Variants in HIGD2B observed in about 807,000 individuals in gnomAD.
HIGD2B encodes HIG1 domain family member 2B.
For synonymous variants in HIGD2B, 45 were observed against 28.1 expected (o/e 1.60, Z -1.90); for missense variants, 106 against 67.0 (o/e 1.58, Z -2.03).
Position 72,680,146 on chromosome 15 carries a change from T to C in HIGD2B, c.-145A>G, listed in dbSNP as rs961902115. ...GGTTTTCTGATCTTCTTCCCATTCTTACCCAGCTGGTGGAGTCTACAGCCT... is the reference window on the plus strand; with the variant it reads ...GGTTTTCTGATCTTCTTCCCATTCTCACCCAGCTGGTGGAGTCTACAGCCT... On this transcript the variant is annotated 5_prime_UTR_variant, in exon 2 of 3. Transcript: ENST00000311755. 1 of 209,328 alleles carries C rather than the reference T, an allele frequency of 4.8e-6. No individual in the cohort carries two copies. The highest frequency in any genetic ancestry group is 9.7e-6 in the Non-Finnish European group (1 of 103,200). The allele number at this position is 209,328 out of a possible 1,614,324, so 13.0% of individuals were successfully genotyped here.
Position 72,675,963 on chromosome 15 carries a change from C to T in HIGD2B, c.*91G>A. On this transcript the variant is annotated 3_prime_UTR_variant, in exon 3 of 3. Transcript: ENST00000311755. ...CTCCCCCAACGACACAGGGACCTCT[C>T]AAAGGAGAGGAGAGAGTAAGTCCCA... 1 of 623,820 alleles carries T rather than the reference C, an allele frequency of 1.6e-6. No individual in the cohort carries two copies. Among genetic ancestry groups the T allele is most frequent in the Non-Finnish European group, 2.9e-6 (1 of 345,978 alleles). The allele number at this position is 623,820 out of a possible 1,614,324, so 38.6% of individuals were successfully genotyped here. A position where few individuals can be genotyped will look rare whatever the true frequency, so the allele number is the denominator to read the frequency against.
intron 2 of HIGD2B, among the ~76,000 whole-genome samples, chr15:72,677,109 G>C (rs1413673366): frequency 2.6e-5 from 4 of 152,178 alleles, no homozygotes; most frequent in Non-Finnish European, 5.9e-5. Flanking sequence ...TATGACTGCA[G>C]GTGAATCTAC....
chr15:72,678,534 A>T (rs1002887842), intron 2 of HIGD2B, among the ~76,000 whole-genome samples: 1 of 151,968 alleles, frequency 6.6e-6, no homozygotes, highest in Non-Finnish European at 1.5e-5. Flanking sequence ...ACTCCTGGAC[A>T]CAAGTGATCC....
intron 1 of HIGD2B, among the ~76,000 whole-genome samples, chr15:72,684,850 C>G (rs906004902): frequency 6.6e-6 from 1 of 152,022 alleles, no homozygotes; most frequent in African/African-American, 2.4e-5. Context: ...GAAATGCGAT[C>G]TCGGCTCACT....
At position 72,680,095 on chromosome 15, in the gene HIGD2B, CA is replaced by C; in HGVS notation, c.-95del. 3.0e-6 allele frequency: 1 copy of C among 336,032 alleles called. No homozygotes were observed. Among genetic ancestry groups the C allele is most frequent in the Non-Finnish European group, 4.9e-6 (1 of 202,748 alleles). 20.8% of individuals were successfully genotyped at this position (336,032 alleles called of 1,614,324 possible). ...CATAGATTCCCTGCTTTTGCCTGGG[CA>C]AAATAGTCCATCAACCAAAGTTTAG... On this transcript the variant is annotated 5_prime_UTR_variant, in exon 2 of 3. It removes the in-frame stop codon of an upstream open reading frame in the 5' UTR. Coordinates refer to ENST00000311755, the MANE Select transcript of HIGD2B (RefSeq NM_001350932.3).
rs2064820386 is a variant in HIGD2B, at chr15:72,685,931, TGGCTG to T, written c.-311_-307del. The T allele has an allele frequency of 5.6e-6, 3 of 536,788 alleles. No homozygotes were observed. The highest frequency in any genetic ancestry group is 3.1e-5 in the Admixed American group (1 of 31,752). The allele number at this position is 536,788 out of a possible 1,614,324, so 33.3% of individuals were successfully genotyped here. ...GGGAGAACTAGGCTGCCATCCCAGGTGGCTGGCCTACCAGCCAGCGCGGCCGGAGG... is the reference window on the plus strand; with the variant it reads ...GGGAGAACTAGGCTGCCATCCCAGGTGCCTACCAGCCAGCGCGGCCGGAGG... On this transcript the variant is annotated 5_prime_UTR_variant, in exon 1 of 3. Transcript: ENST00000311755.
At chr15:72,685,618 C>T (rs748213241) in intron 1 of HIGD2B, among the ~76,000 whole-genome samples, 200 bp downstream of exon 1, 6 of 152,190 alleles carry the variant, frequency 3.9e-5, no homozygotes, top group Non-Finnish European at 8.8e-5. Context: ...TTGCAGAAAA[C>T]GCCGACTGTC....
intron 1 of HIGD2B, among the ~76,000 whole-genome samples, chr15:72,683,992 CT>C (rs2064776838): frequency 6.7e-6 from 1 of 149,840 alleles, no homozygotes; most frequent in Non-Finnish European, 1.5e-5. Flanking sequence ...TTTAATTAAT[CT>C]CTGAAAAGTG....
chr15:72,676,185 G>A lies in HIGD2B; in HGVS notation c.190C>T (p.Leu64Phe), dbSNP rs550544743. The change falls in exon 3 of 3, where the codon CTC (leucine) becomes TTC (phenylalanine). Residue 64 changes from leucine to phenylalanine, a missense_variant. Leu to Phe is a conservative substitution (Grantham distance 22). Transcript: ENST00000311755. ...CTGTTGCCCTGGTGGAAGCAGTAGA[G>A]GCCGTTGGTGAGGACGGCCGCCGTG... The part of the protein sequence containing the change: ...LCTAAVLTNG[L>F]YCFHQGNSQC... 1.3e-6 allele frequency: 1 copy of A among 763,464 alleles called. No individual in the cohort carries two copies. Among genetic ancestry groups the A allele is most frequent in the Non-Finnish European group, 2.4e-6 (1 of 416,284 alleles). 47.3% of individuals were successfully genotyped at this position (763,464 alleles called of 1,614,324 possible).
rs1231141461 is a variant in HIGD2B at position 72,680,197 on chromosome 15, G to A, written c.-192-4C>T. 6.2e-6 allele frequency: 1 copy of A among 160,758 alleles called. No homozygotes were observed. Among genetic ancestry groups the A allele is most frequent in the African/African-American group, 2.4e-5 (1 of 41,616 alleles). The allele number at this position is 160,758 out of a possible 1,614,324, so 10.0% of individuals were successfully genotyped here. A position where few individuals can be genotyped will look rare whatever the true frequency, so the allele number is the denominator to read the frequency against. On this transcript the variant is annotated splice_polypyrimidine_tract_variant and splice_region_variant and intron_variant, in intron 1 of 2. Transcript: ENST00000311755. ...ATTTCAGGTTTGACCTCAGTAGCTAGAGGAAAAGTGGTTAAACAAAATAAA... is the reference window on the plus strand; with the variant it reads ...ATTTCAGGTTTGACCTCAGTAGCTAAAGGAAAAGTGGTTAAACAAAATAAA...
rs767417215 is a variant in HIGD2B at position 72,686,161 on chromosome 15, A to C, written c.-536T>G. ...CCTCACAGTCCTCCACAGCCCTACG[A>C]CTTCCGCTTGCCTCGTCGTCTGGGA... On this transcript the variant is annotated 5_prime_UTR_variant, in exon 1 of 3. Transcript: ENST00000311755. 1 of 1,506,326 alleles carries C rather than the reference A, an allele frequency of 6.6e-7. No individual in the cohort carries two copies. Among genetic ancestry groups the C allele is most frequent in the Non-Finnish European group, 9.0e-7 (1 of 1,111,540 alleles). 93.3% of individuals were successfully genotyped at this position (1,506,326 alleles called of 1,614,324 possible).
chr15:72,678,813 T>C (rs775370183), intron 2 of HIGD2B, among the ~76,000 whole-genome samples: 23 of 151,380 alleles, frequency 1.5e-4, no homozygotes, highest in Non-Finnish European at 3.1e-4. Flanking sequence ...GCCTGGGCAA[T>C]ATGGCAAAAC....
Position 72,685,827 on chromosome 15 carries a change from G to GA in HIGD2B, c.-203dup. On this transcript the variant is annotated 5_prime_UTR_variant, in exon 1 of 3. Transcript: ENST00000311755. ...ACGGGGAGTTTTGTACCTAAGGCGA[G>GA]AAAGAAATTCTCCGCCGAAATCTCC... 3.0e-6 allele frequency: 1 copy of GA among 335,658 alleles called. No homozygotes were observed. Among genetic ancestry groups the GA allele is most frequent in the South Asian group, 2.8e-5 (1 of 36,194 alleles). 20.8% of individuals were successfully genotyped at this position (335,658 alleles called of 1,614,324 possible). A position where few individuals can be genotyped will look rare whatever the true frequency, so the allele number is the denominator to read the frequency against.
At position 72,676,407 on chromosome 15, in the gene HIGD2B, G is replaced by GTTTTTTT; in HGVS notation, c.-13-27_-13-21dup. ...CCACAGCTGCAGGAGAAAATCCTTT[G>GTTTTTTT]TTTTTTTTTTTTTTTGAGAAGGAGT... is the stretch of plus-strand genomic sequence containing the variant. On this transcript the variant is annotated intron_variant, in intron 2 of 2. Coordinates refer to ENST00000311755, the MANE Select transcript of HIGD2B (RefSeq NM_001350932.3). The GTTTTTTT allele has an allele frequency of 1.6e-6, 1 of 610,774 alleles. No homozygotes were observed. The allele number at this position is 610,774 out of a possible 1,614,324, so 37.8% of individuals were successfully genotyped here.
chr15:72,679,510 T>G (rs1595892173), intron 2 of HIGD2B, among the ~76,000 whole-genome samples: 1 of 152,160 alleles, frequency 6.6e-6, no homozygotes, highest in Non-Finnish European at 1.5e-5. Context: ...GATGGTTTTG[T>G]GATAGGATTT....
chr15:72,677,621 G>T (rs555011477), intron 2 of HIGD2B, among the ~76,000 whole-genome samples: 1 of 151,756 alleles, frequency 6.6e-6, no homozygotes, highest in South Asian at 2.1e-4. Flanking sequence ...AATTAGCCAG[G>T]CATGGTAATG....
Position 72,686,126 on chromosome 15 carries a change from T to G in HIGD2B, c.-501A>C. On this transcript the variant is annotated 5_prime_UTR_variant, in exon 1 of 3. Coordinates refer to ENST00000311755, the MANE Select transcript of HIGD2B (RefSeq NM_001350932.3). ...TAGGTCACTCGGCGATTTACTTCCTTCCCCCGCTTCCTCACAGTCCTCCAC... is the reference window on the plus strand; with the variant it reads ...TAGGTCACTCGGCGATTTACTTCCTGCCCCCGCTTCCTCACAGTCCTCCAC... 8.0e-7 allele frequency: 1 copy of G among 1,253,320 alleles called. No individual in the cohort carries two copies. The allele number at this position is 1,253,320 out of a possible 1,614,324, so 77.6% of individuals were successfully genotyped here.
intron 1 of HIGD2B, among the ~76,000 whole-genome samples, chr15:72,684,389 T>C (rs2064783502): frequency 6.6e-6 from 1 of 150,604 alleles, no homozygotes; most frequent in South Asian, 2.1e-4. Context: ...ATTGGCCTTA[T>C]GTTCCCTACC....
Position 72,676,366 on chromosome 15 carries a change from A to G in HIGD2B, c.9T>C (p.Thr3=), listed in dbSNP as rs1378608572. The G allele has an allele frequency of 1.3e-6, 1 of 755,002 alleles. No individual in the cohort carries two copies. The highest frequency in any genetic ancestry group is 1.7e-5 in the Admixed American group (1 of 57,260). 46.8% of individuals were successfully genotyped at this position (755,002 alleles called of 1,614,324 possible). The change falls in exon 3 of 3, where the codon ACT becomes ACC. Residue 3 remains threonine, a synonymous_variant. Transcript: ENST00000311755. MA[T]LGFVTPEAPF... ...GGGCCTCCGGAGTCACAAAGCCGAG[A>G]GTCGCCATGCCTAGGCCACAGCTGC...
Sources: allele counts gnomAD v4.1 joint callset (sites outside exome capture counted in the v4.1 genomes callset), GRCh38; gene constraint gnomAD v4.1.1; transcripts MANE v1.5; gene names NCBI Gene and HGNC (gene_info 2026-07-23, HGNC 2026-07-21).